Variants in KMT2E observed in about 807,000 individuals in gnomAD.
The protein encoded by KMT2E is histone reader KMT2E.
KMT2E carries 30 observed loss-of-function variants against 184.6 expected under a neutral mutation model. The ratio of observed to expected loss-of-function variants is 0.16; its 90% CI spans 0.12 to 0.22. KMT2E has a LOEUF of 0.22. KMT2E is among the 10% of genes least tolerant of loss of function. The pLI, the probability that KMT2E is intolerant of heterozygous loss-of-function variation, is 1.00. For missense variants in KMT2E, 2,023 were observed against 2,237.4 expected (o/e 0.90, Z 1.93); for synonymous variants, 815 against 776.5 (o/e 1.05, Z -0.82).
At chr7:105,070,242 T>C (rs545427814) in intron 6 of KMT2E, among the ~76,000 whole-genome samples, 42 of 152,244 alleles carry the variant, frequency 2.8e-4, no homozygotes, top group African/African-American at 9.4e-4. Flanking sequence ...GTTGCATGTT[T>C]AGATATTTAT....
rs1240569782 is a variant in KMT2E, at chr7:105,112,646, T to C, written c.4890T>C (p.Pro1630=). The C allele has an allele frequency of 1.9e-5, 30 of 1,613,432 alleles. No homozygotes were observed. The highest frequency in any genetic ancestry group is 2.5e-5 in the Non-Finnish European group (29 of 1,179,898). The change falls in exon 27 of 27, where the codon CCT becomes CCC. Residue 1630 remains proline, a synonymous_variant. Transcript: ENST00000311117. The stretch of plus-strand genomic sequence containing the variant: ...CTGCTGCCGTAGTCCCCCCTCCTCC[T>C]CCACCACCACCTGCTCCAGGACCGC... The part of the protein sequence containing the change: ...QTAAAVVPPP[P]PPPPAPGPHL...
intron 15 of KMT2E, among the ~76,000 whole-genome samples, chr7:105,093,433 G>A (rs1218181848): frequency 6.6e-6 from 1 of 152,152 alleles, no homozygotes; most frequent in Non-Finnish European, 1.5e-5. Flanking sequence ...TGTAATCCCA[G>A]CACTTTGGGA....
At chr7:105,085,918 C>T (rs548694618) in intron 13 of KMT2E, among the ~76,000 whole-genome samples, 9 of 152,152 alleles carry the variant, frequency 5.9e-5, no homozygotes, top group African/African-American at 1.4e-4. Context: ...ATGGTCCGCC[C>T]GCCTCGGCCT....
At chr7:105,026,155 C>T (rs578251576) in intron 1 of KMT2E, among the ~76,000 whole-genome samples, 64 of 152,242 alleles carry the variant, frequency 4.2e-4, no homozygotes, top group Middle Eastern at 3.4e-3. Flanking sequence ...AACATCTAGT[C>T]TCCTGTATAT....
At position 105,045,306 on chromosome 7, in the gene KMT2E, A is replaced by G. The variant is rs186526403; in HGVS notation, c.71+4283A>G. ...ATATATATTTTTAAGTTGTGGTAAA[A>G]TAGATACAACATTTATCGTGTTAAC... is the stretch of plus-strand genomic sequence containing the variant. On this transcript the variant is annotated intron_variant, in intron 3 of 26. Coordinates refer to ENST00000311117, the MANE Select transcript of KMT2E (RefSeq NM_182931.3). 1.9e-3 allele frequency among the ~76,000 whole-genome samples: 286 copies of G among 152,354 alleles called. 1 individual carries two copies. The Middle Eastern group carries it at 0.024, about 13-fold the overall frequency.
At position 105,112,786 on chromosome 7, in the gene KMT2E, T is replaced by TCCCCCCCCCC; in HGVS notation, c.5030_5031insCCCCCCCCCC (p.Leu1677PhefsTer195). ...CATTCTCAAACTGCTGGACACCACT[T>TCCCCCCCCCC]ACCCCCACCCCCACCCCCTCCTGGT... On this transcript the variant is annotated frameshift_variant, in exon 27 of 27. Transcript: ENST00000311117. LOFTEE classifies it high-confidence loss of function. 1 of 1,605,428 alleles carries TCCCCCCCCCC rather than the reference T, an allele frequency of 6.2e-7. No individual in the cohort carries two copies. The highest frequency in any genetic ancestry group is 1.1e-5 in the South Asian group (1 of 90,628).
intron 5 of KMT2E, 152 bp downstream of exon 5, chr7:105,063,732 C>G: frequency 1.7e-6 from 1 of 584,212 alleles, no homozygotes. Flanking sequence ...GAAAAAGCCT[C>G]CTATGTGAAA....
At chr7:105,071,608 ATTTTTTTTTTTTT>A (rs869055986) in intron 6 of KMT2E, among the ~76,000 whole-genome samples, 7 of 31,882 alleles carry the variant, frequency 2.2e-4, no homozygotes, top group African/African-American at 6.9e-4. Flanking sequence ...ATATATATAT[ATTTTTTTTTTTTT>A]TTTTTTTTTT....
In KMT2E at chr7:105,018,714, G is replaced by C. The variant is rs1794818990; in HGVS notation, c.-189+4179G>C. On this transcript the variant is annotated intron_variant, in intron 1 of 26. Coordinates refer to ENST00000311117, the MANE Select transcript of KMT2E (RefSeq NM_182931.3). ...TGTGAATGTTACTGGCTTTTAGGCT[G>C]GGTTTAAAATTGAAGTGGCTCGTAT... Among the ~76,000 whole-genome samples, 4 of 152,060 alleles carry C rather than the reference G, an allele frequency of 2.6e-5. No homozygotes were observed. The South Asian group carries it at 8.3e-4, about 31-fold the overall frequency.
In KMT2E at chr7:105,107,346, T is replaced by C. The variant is rs934207671; in HGVS notation, c.2905-16T>C. 6.5e-7 allele frequency: 1 copy of C among 1,549,646 alleles called. No homozygotes were observed. The highest frequency in any genetic ancestry group is 1.4e-5 in the African/African-American group (1 of 72,048). ...TGTGATTATTTGTGTAATTTTTTTT[T>C]TTAATTTGTAAACAGGGATATGACA... On this transcript the variant is annotated splice_polypyrimidine_tract_variant and intron_variant, in intron 21 of 26. Transcript: ENST00000311117.
At chr7:105,065,321 GTTTAA>G (rs1267597301) in intron 5 of KMT2E, among the ~76,000 whole-genome samples, 3 of 152,026 alleles carry the variant, frequency 2.0e-5, no homozygotes, top group Non-Finnish European at 2.9e-5. Context: ...CACAAATTTA[GTTTAA>G]TTTGTTATTC....
At chr7:105,090,317 A>C in intron 14 of KMT2E, 44 bp downstream of exon 14, 2 of 1,546,122 alleles carry the variant, frequency 1.3e-6, no homozygotes, top group Non-Finnish European at 1.7e-6. Flanking sequence ...ACAAAGGAAA[A>C]TAATCTGTCA....
In KMT2E at chr7:105,113,496, T is replaced by A; in HGVS notation, c.*163T>A. On this transcript the variant is annotated 3_prime_UTR_variant, in exon 27 of 27. Transcript: ENST00000311117. ...TCATTTTTGCTTTTTAAAATTCCTT[T>A]AAAAAATGTGCTGTTAAGCCAGTAT... 1 of 777,046 alleles carries A rather than the reference T, an allele frequency of 1.3e-6. No individual in the cohort carries two copies. Among genetic ancestry groups the A allele is most frequent in the Non-Finnish European group, 1.9e-6 (1 of 517,338 alleles). The allele number at this position is 777,046 out of a possible 1,614,324, so 48.1% of individuals were successfully genotyped here. A position where few individuals can be genotyped will look rare whatever the true frequency, so the allele number is the denominator to read the frequency against.
At position 105,091,318 on chromosome 7, in the gene KMT2E, A is replaced by G; in HGVS notation, c.1722+4A>G. 6.4e-7 allele frequency: 1 copy of G among 1,562,140 alleles called. No individual in the cohort carries two copies. Among genetic ancestry groups the G allele is most frequent in the Non-Finnish European group, 8.8e-7 (1 of 1,132,812 alleles). Reference sequence around the variant, plus strand: ...TGCAGAAAGGAAAAGGAAGATGGTAAGTTGGGAAGCCAGTAGTTTGGGCTT... The same window carrying G: ...TGCAGAAAGGAAAAGGAAGATGGTAGGTTGGGAAGCCAGTAGTTTGGGCTT... On this transcript the variant is annotated splice_donor_region_variant and intron_variant, in intron 15 of 26. Transcript: ENST00000311117.
chr7:105,057,200 A>T, intron 3 of KMT2E, among the ~76,000 whole-genome samples: 1 of 152,178 alleles, frequency 6.6e-6, no homozygotes, highest in East Asian at 1.9e-4. Flanking sequence ...AATGCCCAGG[A>T]CATCTTTGTG....
intron 3 of KMT2E, among the ~76,000 whole-genome samples, chr7:105,047,377 A>G (rs1210784812): frequency 6.6e-6 from 1 of 152,244 alleles, no homozygotes; most frequent in Non-Finnish European, 1.5e-5. Flanking sequence ...AATGCCAGCC[A>G]AGGGCCACCC....
chr7:105,083,550 C>G (rs1022242758), intron 13 of KMT2E, among the ~76,000 whole-genome samples: 1 of 152,214 alleles, frequency 6.6e-6, no homozygotes, highest in Non-Finnish European at 1.5e-5. Context: ...CTGGCAGCTT[C>G]CGTTTGTTTT....
intron 13 of KMT2E, 106 bp from the exon 14 acceptor site, chr7:105,089,903 A>G: frequency 6.7e-7 from 1 of 1,491,096 alleles, no homozygotes; most frequent in Non-Finnish European, 9.0e-7. Flanking sequence ...CTTATAATTA[A>G]TAGTAATTGC....
At position 105,107,749 on chromosome 7, in the gene KMT2E, G is replaced by T; in HGVS notation, c.3292G>T (p.Gly1098Cys). Reference protein sequence around the residue: ...TPSHQLEVGGGFRISESKCLM... With the variant: ...TPSHQLEVGGCFRISESKCLM... ...CTCGCATCAGTTGGAGGTTGGAGGA[G>T]GCTTCCGAATAAGTGAGTCAAAGTG... Residue 1098 changes from glycine to cysteine, a missense_variant, in exon 22 of 27, where the codon GGC becomes TGC. Gly to Cys is a radical substitution (Grantham distance 159, BLOSUM62 -3). This residue lies in a region of KMT2E where 1,108 missense variants were observed against 1,050.9 expected (regional missense o/e 1.05). Transcript: ENST00000311117. 1 of 1,614,140 alleles carries T rather than the reference G, an allele frequency of 6.2e-7. No individual in the cohort carries two copies. Among genetic ancestry groups the T allele is most frequent in the Non-Finnish European group, 8.5e-7 (1 of 1,180,026 alleles).
Sources: gnomAD v4.1 joint callset for allele counts (sites outside exome capture counted in the v4.1 genomes callset) on GRCh38, gnomAD v4.1.1 for gene constraint, gnomAD v4.1.1 regional missense constraint, MANE v1.5 for transcripts, NCBI Gene and HGNC (gene_info 2026-07-23, HGNC 2026-07-21) for gene names.